The following COL19A1 variants were observed in gnomAD, a reference collection of about 807,000 sequenced individuals.
COL19A1 encodes collagen type XIX alpha 1 chain.
Under a neutral mutation model 190.2 loss-of-function variants are expected in COL19A1, and 159 were observed. The observed-to-expected ratio is 0.84, with a 90% CI of 0.73 to 0.95. The LOEUF (loss-of-function observed/expected upper bound fraction) is 0.95. Ranked by LOEUF, COL19A1 falls within the 40% of genes least tolerant of loss-of-function variation. The pLI is 0.00. For synonymous variants in COL19A1, 509 were observed against 458.9 expected, an observed-to-expected ratio of 1.11 and a Z score of -1.39; for missense variants, 1,418 against 1,431.9, an observed-to-expected ratio of 0.99 and a Z score of 0.16.
chr6:70,163,278 A>G, intron 35 of COL19A1, 65 bp from the exon 36 acceptor site: 3 of 1,465,822 alleles, frequency 2.0e-6, no homozygotes, highest in Admixed American at 3.6e-5. Context: ...TTAGTAACCA[A>G]CTTCCAATAC....
intron 40 of COL19A1, 127 bp downstream of exon 40, chr6:70,168,808 C>A: frequency 1.1e-6 from 1 of 920,242 alleles, no homozygotes. Context: ...TGGTGACAAG[C>A]AGGCCACAAT....
At chr6:70,206,421 G>T (rs1228668358) in intron 49 of COL19A1, among the ~76,000 whole-genome samples, 1 of 152,166 alleles carries the variant, frequency 6.6e-6, no homozygotes, top group Non-Finnish European at 1.5e-5. Context: ...CTGAGGTCAG[G>T]AGTTCGAGAC....
intron 11 of COL19A1, among the ~76,000 whole-genome samples, chr6:69,977,738 G>T (rs1219994480): frequency 1.3e-5 from 2 of 151,986 alleles, no homozygotes; most frequent in Non-Finnish European, 2.9e-5. Flanking sequence ...AATAGATGTG[G>T]CCTCTATCTA....
chr6:70,097,601 G>T (rs1439314900), intron 15 of COL19A1, among the ~76,000 whole-genome samples: 1 of 151,862 alleles, frequency 6.6e-6, no homozygotes, highest in African/African-American at 2.4e-5. Context: ...GCTCAGGTTT[G>T]AGCCCTCCTG....
chr6:69,941,781 C>T (rs776723102), intron 9 of COL19A1, among the ~76,000 whole-genome samples: 10 of 151,772 alleles, frequency 6.6e-5, no homozygotes, highest in African/African-American at 1.7e-4. Context: ...ATCCGCCTCC[C>T]GGGTTCAAGC....
intron 15 of COL19A1, chr6:70,098,347 TA>T: frequency 2.1e-6 from 1 of 467,538 alleles, no homozygotes; most frequent in Non-Finnish European, 4.3e-6. Flanking sequence ...GCTCCTTTTT[TA>T]AAAAACAGAA....
intron 11 of COL19A1, among the ~76,000 whole-genome samples, chr6:70,022,535 T>A (rs79547096): frequency 0.099 from 15,118 of 152,218 alleles, 813 homozygotes; most frequent in East Asian, 0.21. Context: ...TCAAAAATTG[T>A]ATTATACTAT....
chr6:69,886,162 G>C (rs534726469), intron 2 of COL19A1, among the ~76,000 whole-genome samples: 1 of 151,990 alleles, frequency 6.6e-6, no homozygotes, highest in Non-Finnish European at 1.5e-5. Context: ...ATTTAAAAAT[G>C]GACAAAGGAT....
chr6:70,033,483 A>G (rs1170866798), intron 12 of COL19A1, among the ~76,000 whole-genome samples: 1 of 152,056 alleles, frequency 6.6e-6, no homozygotes, highest in Non-Finnish European at 1.5e-5. Flanking sequence ...GGATGTGTCT[A>G]TCTAACTTTC....
intron 10 of COL19A1, 42 bp downstream of exon 10, chr6:69,960,082 A>G (rs895533479): frequency 8.9e-6 from 14 of 1,565,578 alleles, no homozygotes; most frequent in African/African-American, 1.4e-5. Context: ...AAGAATTTTA[A>G]CGTGTTAAAA....
chr6:69,938,843 T>C (rs934179346), intron 9 of COL19A1, among the ~76,000 whole-genome samples: 1 of 152,122 alleles, frequency 6.6e-6, no homozygotes, highest in Non-Finnish European at 1.5e-5. Flanking sequence ...CTCTTTTGAG[T>C]ATATCTTTTG....
At chr6:69,931,154 T>C in intron 6 of COL19A1, among the ~76,000 whole-genome samples, 1 of 152,178 alleles carries the variant, frequency 6.6e-6, no homozygotes, top group East Asian at 1.9e-4. Flanking sequence ...GGCTGTGTGT[T>C]ATTGAAAAAA....
Position 70,199,676 on chromosome 6 carries a change from A to G in COL19A1, c.3163A>G (p.Arg1055Gly). The stretch of plus-strand genomic sequence containing the variant: ...AATGTTGGCTGCCCAAGCTTATGGG[A>G]GACCTGGGCCACCAGGGAAGGATGG... ...AAMLAAQAYG[R>G]PGPPGKDGLP... is the part of the protein sequence containing the mutation. Residue 1055 changes from arginine to glycine, a missense_variant, in exon 49 of 51, where the codon AGA becomes GGA. Arg to Gly is a moderately radical substitution (Grantham distance 125). Coordinates refer to ENST00000620364, the MANE Select transcript of COL19A1 (RefSeq NM_001858.6). The G allele has an allele frequency of 6.2e-7, 1 of 1,610,104 alleles. No homozygotes were observed. Among genetic ancestry groups the G allele is most frequent in the Non-Finnish European group, 8.5e-7 (1 of 1,177,566 alleles).
At chr6:70,038,989 G>A (rs914590538) in intron 14 of COL19A1, among the ~76,000 whole-genome samples, 1 of 151,922 alleles carries the variant, frequency 6.6e-6, no homozygotes, top group African/African-American at 2.4e-5. Flanking sequence ...CCCGGGAGGC[G>A]GTTGCAGTGA....
At chr6:70,085,444 A>G (rs1782521037) in intron 15 of COL19A1, among the ~76,000 whole-genome samples, 1 of 152,220 alleles carries the variant, frequency 6.6e-6, no homozygotes, top group Admixed American at 6.5e-5. Context: ...CATTTAGTAA[A>G]GTGCTGAATA....
chr6:69,917,548 C>T (rs991052205), intron 4 of COL19A1, among the ~76,000 whole-genome samples: 8 of 152,054 alleles, frequency 5.3e-5, no homozygotes, highest in East Asian at 1.9e-4. Context: ...TTCCACAAAA[C>T]GGGCAATAAA....
At position 69,938,023 on chromosome 6, in the gene COL19A1, T is replaced by C. The variant is rs745496463; in HGVS notation, c.874-15T>C. Reference sequence around the variant, plus strand: ...GACAGAATGTTTGCTAACACAGATATGCATTTTTGCTCAGGGAGAAGCAGG... The same window carrying C: ...GACAGAATGTTTGCTAACACAGATACGCATTTTTGCTCAGGGAGAAGCAGG... On this transcript the variant is annotated splice_polypyrimidine_tract_variant and intron_variant, in intron 8 of 50. Coordinates refer to ENST00000620364, the MANE Select transcript of COL19A1 (RefSeq NM_001858.6). The C allele has an allele frequency of 3.1e-6, 5 of 1,612,040 alleles. No homozygotes were observed. In the Admixed American group the frequency reaches 5.0e-5, roughly 16 times the overall value.
chr6:69,909,020 G>T (rs1770733706), intron 4 of COL19A1, among the ~76,000 whole-genome samples: 1 of 151,970 alleles, frequency 6.6e-6, no homozygotes, highest in Admixed American at 6.6e-5. Context: ...ATACATTTAA[G>T]AAACTAAAGT....
At chr6:70,046,699 A>G (rs1779938102) in intron 14 of COL19A1, among the ~76,000 whole-genome samples, 1 of 152,116 alleles carries the variant, frequency 6.6e-6, no homozygotes, top group Non-Finnish European at 1.5e-5. Context: ...TCTTTAATCT[A>G]TAGTTGTAGA....
Sources: allele counts gnomAD v4.1 joint callset (sites outside exome capture counted in the v4.1 genomes callset), GRCh38; gene constraint gnomAD v4.1.1; transcripts MANE v1.5; gene names NCBI Gene and HGNC (gene_info 2026-07-23, HGNC 2026-07-21).